Variants in RASGRF2 observed in about 807,000 individuals in gnomAD.
The protein encoded by RASGRF2 is ras-specific guanine nucleotide-releasing factor 2.
RASGRF2 carries 76 observed loss-of-function variants against 151.0 expected under a neutral mutation model. The observed-to-expected ratio is 0.50, with a 90% confidence interval of 0.42 to 0.61. RASGRF2 has a LOEUF of 0.61. Ranked by LOEUF, RASGRF2 falls within the 20% of genes least tolerant of loss-of-function variation. RASGRF2 has a pLI of 0.00. For missense variants in RASGRF2, 1,148 were observed against 1,564.6 expected (o/e 0.73, Z 4.49); for synonymous variants, 504 against 566.5 (o/e 0.89, Z 1.57).
rs546630359 is a variant in RASGRF2 at position 80,975,802 on chromosome 5, G to T, written c.288+14776G>T. Among the ~76,000 whole-genome samples, 4 of 149,734 alleles carry T rather than the reference G, an allele frequency of 2.7e-5. No individual in the cohort carries two copies. The East Asian group carries it at 7.8e-4, about 29-fold the overall frequency. On this transcript the variant is annotated intron_variant, in intron 1 of 26. Coordinates refer to ENST00000265080, the MANE Select transcript of RASGRF2 (RefSeq NM_006909.3). ...ATTTTCTCATACCTGATATCTGTCTGTTGATCTATTGTATATTTTAGTTGA... is the reference window on the plus strand; with the variant it reads ...ATTTTCTCATACCTGATATCTGTCTTTTGATCTATTGTATATTTTAGTTGA...
rs767949973 is a variant in RASGRF2 at position 81,094,924 on chromosome 5, G to A, written c.1687G>A (p.Ala563Thr). The A allele has an allele frequency of 3.7e-6, 6 of 1,603,100 alleles. No individual in the cohort carries two copies. Among genetic ancestry groups the A allele is most frequent in the South Asian group, 2.2e-5 (2 of 90,392 alleles). ...KIVVEPPDAA[A>T]FTVVLLAPSR... ...AGTGGTGGAGCCTCCTGACGCTGCC[G>A]CCTTCACTGTTGTCTTGTTAGCACC... Residue 563 changes from alanine (A) to threonine (T), a missense_variant, in exon 12 of 27, where the codon GCC (alanine) becomes ACC (threonine). Around this residue, in one of 5 missense-constraint regions of RASGRF2, gnomAD observed 646 missense variants for 807.4 expected, o/e 0.80. Transcript: ENST00000265080.
At chr5:81,016,265 A>G (rs10061419) in intron 1 of RASGRF2, among the ~76,000 whole-genome samples, 39,156 of 152,102 alleles carry the variant, frequency 0.26, 5,396 homozygotes, top group South Asian at 0.32. Context: ...CAAACTGGGG[A>G]TTATGACTTA....
chr5:80,961,034 G>C lies in RASGRF2; in HGVS notation c.288+8G>C. 1 of 1,452,272 alleles carries C rather than the reference G, an allele frequency of 6.9e-7. No individual in the cohort carries two copies. 90.0% of individuals were successfully genotyped at this position (1,452,272 alleles called of 1,614,324 possible). A position where few individuals can be genotyped will look rare whatever the true frequency, so the allele number is the denominator to read the frequency against. On this transcript the variant is annotated splice_region_variant and intron_variant, in intron 1 of 26. Coordinates refer to ENST00000265080, the MANE Select transcript of RASGRF2 (RefSeq NM_006909.3). ...GACGCGCTGGACAAGCAGGTACCGC[G>C]CGCCTTCTCTCCGCGGTCTCCCAGC...
intron 1 of RASGRF2, among the ~76,000 whole-genome samples, chr5:81,028,235 G>A (rs1188192310): frequency 1.3e-5 from 2 of 151,940 alleles, no homozygotes; most frequent in African/African-American, 4.8e-5. Flanking sequence ...TCAATGAAAT[G>A]CACATCATAA....
At chr5:81,085,738 G>A in intron 7 of RASGRF2, 64 bp from the exon 8 acceptor site, 1 of 1,602,158 alleles carries the variant, frequency 6.2e-7, no homozygotes, top group Non-Finnish European at 8.5e-7. Flanking sequence ...TGATGGCCCT[G>A]CGGAGCATGT....
intron 17 of RASGRF2, among the ~76,000 whole-genome samples, chr5:81,147,515 A>C (rs1754033308): frequency 6.6e-6 from 1 of 152,248 alleles, no homozygotes; most frequent in Non-Finnish European, 1.5e-5. Flanking sequence ...GAAAATCAAG[A>C]GTCATAAACC....
intron 26 of RASGRF2, among the ~76,000 whole-genome samples, chr5:81,221,906 G>T (rs1451034424): frequency 6.6e-6 from 1 of 152,206 alleles, no homozygotes; most frequent in Middle Eastern, 3.4e-3. Context: ...GAAACCAGGA[G>T]GCAAAGTTTG....
chr5:81,212,653 A>G (rs1016161238), intron 23 of RASGRF2, 90 bp downstream of exon 23: 162 of 1,255,754 alleles, frequency 1.3e-4, no homozygotes, highest in Non-Finnish European at 1.6e-4. Flanking sequence ...TTAGGAAATC[A>G]TTAACTGAAA....
chr5:81,057,495 CT>C (rs1484002954), intron 2 of RASGRF2, among the ~76,000 whole-genome samples: 1 of 152,016 alleles, frequency 6.6e-6, no homozygotes, highest in East Asian at 1.9e-4. Context: ...TGAATGTTTC[CT>C]TTTCTCCATA....
intron 17 of RASGRF2, among the ~76,000 whole-genome samples, chr5:81,169,631 C>T (rs1414422520): frequency 6.6e-6 from 1 of 152,174 alleles, no homozygotes; most frequent in Non-Finnish European, 1.5e-5. Context: ...CTGCAAAGAC[C>T]CTGTTTCCAA....
At chr5:81,207,894 A>C (rs1386340998) in intron 21 of RASGRF2, among the ~76,000 whole-genome samples, 2 of 152,248 alleles carry the variant, frequency 1.3e-5, no homozygotes, top group East Asian at 3.9e-4. Flanking sequence ...CTCCAGGAGA[A>C]TGGCAGGCAG....
At chr5:81,110,475 T>C (rs2112538865) in intron 13 of RASGRF2, among the ~76,000 whole-genome samples, 1 of 152,334 alleles carries the variant, frequency 6.6e-6, no homozygotes, top group East Asian at 1.9e-4. Context: ...AGTGGTGTAA[T>C]TAGTCAGTTT....
intron 1 of RASGRF2, among the ~76,000 whole-genome samples, chr5:80,965,591 G>C (rs972094880): frequency 5.3e-5 from 8 of 152,114 alleles, no homozygotes; most frequent in Non-Finnish European, 1.0e-4. Flanking sequence ...CATTATTGTT[G>C]TGAACAACTA....
At chr5:81,185,214 G>A (rs2112683812) in intron 18 of RASGRF2, among the ~76,000 whole-genome samples, 1 of 152,330 alleles carries the variant, frequency 6.6e-6, no homozygotes, top group Middle Eastern at 3.4e-3. Context: ...GGGGAAGGTG[G>A]GGAGATGCCT....
chr5:81,014,878 A>T (rs1420470087), intron 1 of RASGRF2, among the ~76,000 whole-genome samples: 4 of 152,122 alleles, frequency 2.6e-5, no homozygotes, highest in African/African-American at 9.7e-5. Context: ...ATTTCCAAAT[A>T]TTTTATTGGT....
At chr5:81,179,802 C>G (rs890878326) in intron 17 of RASGRF2, among the ~76,000 whole-genome samples, 4 of 152,176 alleles carry the variant, frequency 2.6e-5, no homozygotes, top group African/African-American at 9.7e-5. Context: ...ATCGGTTGTG[C>G]AGTTACTGCG....
In RASGRF2 at chr5:81,024,249, A is replaced by ATTTTTTTT. The variant is rs397884951; in HGVS notation, c.289-18608_289-18601dup. ...CTCCAGGACTAGAGGTATTCATATA[A>ATTTTTTTT]TTTTTTTTTTTTTTTTTTTTTTTTT... On this transcript the variant is annotated intron_variant, in intron 1 of 26. Coordinates refer to ENST00000265080, the MANE Select transcript of RASGRF2 (RefSeq NM_006909.3). Among the ~76,000 whole-genome samples, 141 of 71,678 alleles carry ATTTTTTTT rather than the reference A, an allele frequency of 2.0e-3. 6 individuals carry two copies. The highest frequency in any genetic ancestry group is 6.7e-3 in the African/African-American group (106 of 15,730). The allele number at this position is 71,678 out of a possible 152,430, so 47.0% of individuals were successfully genotyped here.
chr5:81,009,933 C>T (rs1041302801), intron 1 of RASGRF2, among the ~76,000 whole-genome samples: 1 of 151,822 alleles, frequency 6.6e-6, no homozygotes, highest in Admixed American at 6.6e-5. Context: ...CAGAGGCGGG[C>T]GGATCACAAG....
chr5:81,222,996 TA>T (rs1755886791), intron 26 of RASGRF2, among the ~76,000 whole-genome samples: 1 of 152,092 alleles, frequency 6.6e-6, no homozygotes, highest in Non-Finnish European at 1.5e-5. Context: ...AAATGTAATA[TA>T]AAAAACCTCA....
Sources: allele counts gnomAD v4.1 joint callset (sites outside exome capture counted in the v4.1 genomes callset), GRCh38; gene constraint gnomAD v4.1.1; regional missense constraint gnomAD v4.1.1; transcripts MANE v1.5; gene names NCBI Gene and HGNC (gene_info 2026-07-23, HGNC 2026-07-21).